Variants in SCHIP1 observed in about 807,000 individuals in gnomAD.
SCHIP1 encodes schwannomin interacting protein 1.
Under a neutral mutation model 29.7 loss-of-function variants are expected in SCHIP1, and 8 were observed. The observed-to-expected ratio is 0.27, with a 90% CI of 0.16 to 0.49. The LOEUF (loss-of-function observed/expected upper bound fraction) is 0.49, where lower values mean the gene tolerates loss of function less well. Ranked by LOEUF, SCHIP1 falls within the 20% of genes least tolerant of loss-of-function variation. The pLI, the probability that SCHIP1 is intolerant of heterozygous loss-of-function variation, is 0.99. For missense variants in SCHIP1, 193 were observed against 294.6 expected (o/e 0.66, Z 2.52); for synonymous variants, 76 against 94.9 (o/e 0.80, Z 1.16).
the SCHIP1 span, among the ~76,000 whole-genome samples, chr3:159,425,184 C>T: frequency 1.3e-5 from 2 of 152,012 alleles, no homozygotes; most frequent in Non-Finnish European, 2.9e-5. Flanking sequence ...CAAATTCACA[C>T]ATAACAATAT....
At chr3:159,609,173 G>C in the SCHIP1 span, among the ~76,000 whole-genome samples, 1 of 152,148 alleles carries the variant, frequency 6.6e-6, no homozygotes, top group Admixed American at 6.5e-5. Context: ...CCAGTGGAGG[G>C]AGGGCATCAA....
the SCHIP1 span, among the ~76,000 whole-genome samples, chr3:159,555,568 TTCTC>T: frequency 1.5e-3 from 227 of 152,048 alleles, 1 homozygote; most frequent in African/African-American, 5.1e-3. Context: ...GATGAGCAAA[TTCTC>T]TCTCTCTCTT....
chr3:159,401,004 A>C, the SCHIP1 span: 2 of 162,716 alleles, frequency 1.2e-5, no homozygotes. Context: ...GTTAATGAGG[A>C]TCAGAAGGGA....
intron 2 of SCHIP1, among the ~76,000 whole-genome samples, chr3:159,873,659 G>GTA: frequency 6.6e-6 from 1 of 152,312 alleles, no homozygotes; most frequent in Middle Eastern, 3.4e-3. Context: ...AATGTGGCAA[G>GTA]TAGAGTGTCA....
At chr3:159,787,935 G>T in the SCHIP1 span, among the ~76,000 whole-genome samples, 1 of 152,154 alleles carries the variant, frequency 6.6e-6, no homozygotes, top group African/African-American at 2.4e-5. Flanking sequence ...AAAGAAATGT[G>T]ATTGAGGTTT....
the SCHIP1 span, among the ~76,000 whole-genome samples, chr3:159,724,271 A>G: frequency 6.6e-6 from 1 of 152,080 alleles, no homozygotes; most frequent in Non-Finnish European, 1.5e-5. Flanking sequence ...TATGTTACAG[A>G]TTTTAATCCT....
At chr3:159,701,809 G>A in the SCHIP1 span, among the ~76,000 whole-genome samples, 1 of 151,722 alleles carries the variant, frequency 6.6e-6, no homozygotes, top group African/African-American at 2.4e-5. Context: ...TAGTTTACAT[G>A]AGAAAAAGGC....
At chr3:159,536,119 A>C in the SCHIP1 span, among the ~76,000 whole-genome samples, 11 of 152,334 alleles carry the variant, frequency 7.2e-5, no homozygotes, top group Admixed American at 3.3e-4. Context: ...TGAACAGCAA[A>C]GACATGGAAC....
the SCHIP1 span, among the ~76,000 whole-genome samples, chr3:159,295,874 G>T: frequency 2.6e-5 from 4 of 152,226 alleles, no homozygotes; most frequent in South Asian, 8.3e-4. Flanking sequence ...GAATTCACTT[G>T]CATTTAGTCT....
the SCHIP1 span, among the ~76,000 whole-genome samples, chr3:159,419,268 TGCAGGGCTGGAG>T: frequency 6.6e-6 from 1 of 152,166 alleles, no homozygotes; most frequent in Non-Finnish European, 1.5e-5. Flanking sequence ...AAATCTGTCT[TGCAGGGCTGGAG>T]GGAGGACTAG....
the SCHIP1 span, among the ~76,000 whole-genome samples, chr3:159,424,132 G>A: frequency 6.6e-6 from 1 of 151,574 alleles, no homozygotes; most frequent in East Asian, 2.0e-4. Flanking sequence ...AAAAAGCAGA[G>A]CACCTCTCCT....
At chr3:159,874,316 TC>T (rs1422806910) in intron 2 of SCHIP1, among the ~76,000 whole-genome samples, 1 of 152,186 alleles carries the variant, frequency 6.6e-6, no homozygotes, top group Non-Finnish European at 1.5e-5. Context: ...AAACAGAAAT[TC>T]CCCAGAGAAC....
At chr3:159,786,539 C>A in the SCHIP1 span, among the ~76,000 whole-genome samples, 2 of 152,150 alleles carry the variant, frequency 1.3e-5, no homozygotes, top group Admixed American at 6.5e-5. Context: ...AATGACTATT[C>A]TTCCTTGAAA....
At chr3:159,828,404 TATAC>T in the SCHIP1 span, among the ~76,000 whole-genome samples, 6,190 of 105,264 alleles carry the variant, frequency 0.059, 463 homozygotes, top group Non-Finnish European at 0.071. Flanking sequence ...TACGTATATA[TATAC>T]GTATATATAC....
At chr3:159,833,945 TG>T in the SCHIP1 span, among the ~76,000 whole-genome samples, 1 of 152,204 alleles carries the variant, frequency 6.6e-6, no homozygotes, top group Non-Finnish European at 1.5e-5. Flanking sequence ...GTTCCTTTTT[TG>T]GTGTCTTGGG....
At chr3:159,436,600 G>T in the SCHIP1 span, among the ~76,000 whole-genome samples, 1 of 152,138 alleles carries the variant, frequency 6.6e-6, no homozygotes, top group Non-Finnish European at 1.5e-5. Context: ...GAATGCCCCA[G>T]TTATTTAATT....
At chr3:159,437,900 T>C in the SCHIP1 span, among the ~76,000 whole-genome samples, 1 of 152,158 alleles carries the variant, frequency 6.6e-6, no homozygotes, top group South Asian at 2.1e-4. Context: ...GGAGACAGAC[T>C]GCCCTGGTTC....
chr3:159,770,536 G>T, the SCHIP1 span, among the ~76,000 whole-genome samples: 1 of 152,206 alleles, frequency 6.6e-6, no homozygotes, highest in African/African-American at 2.4e-5. Context: ...TGGGATTACA[G>T]GTGTGAGCCA....
At chr3:159,604,788 G>A in the SCHIP1 span, among the ~76,000 whole-genome samples, 1 of 152,150 alleles carries the variant, frequency 6.6e-6, no homozygotes, top group Non-Finnish European at 1.5e-5. Context: ...TATTTGGCAT[G>A]ACATGTATCT....
Sources: gnomAD v4.1 joint callset for allele counts (sites outside exome capture counted in the v4.1 genomes callset) on GRCh38, gnomAD v4.1.1 for gene constraint, MANE v1.5 for transcripts, NCBI Gene and HGNC (gene_info 2026-07-23, HGNC 2026-07-21) for gene names.